Variants in CDKL2 observed in about 807,000 individuals in gnomAD.
CDKL2 encodes cyclin-dependent kinase-like 2.
CDKL2 carries 64 observed loss-of-function variants against 63.9 expected under a neutral mutation model. The observed-to-expected ratio is 1.00, with a 90% CI of 0.82 to 1.23. The LOEUF (loss-of-function observed/expected upper bound fraction) is 1.23, where lower values mean the gene tolerates loss of function less well. Among genes scored for constraint, CDKL2 ranks in the 50% most tolerant of loss-of-function variants. The probability of loss-of-function intolerance (pLI) is 0.00; values close to 1 mark genes in which losing one functional copy is unlikely to be tolerated. For synonymous variants in CDKL2, 211 were observed against 229.2 expected, an observed-to-expected ratio of 0.92 and a Z score of 0.72; for missense variants, 656 against 668.0, an observed-to-expected ratio of 0.98 and a Z score of 0.20.
At chr4:75,588,075 G>A (rs545177515) in intron 12 of CDKL2, among the ~76,000 whole-genome samples, 3 of 150,602 alleles carry the variant, frequency 2.0e-5, no homozygotes, top group East Asian at 2.0e-4. Flanking sequence ...TTAGCCGGGC[G>A]TGGTGGTGCA....
intron 5 of CDKL2, among the ~76,000 whole-genome samples, chr4:75,605,185 C>G (rs1215337956): frequency 6.6e-6 from 1 of 152,152 alleles, no homozygotes. Flanking sequence ...GAAACGCCAT[C>G]TCTACTAAAA....
intron 12 of CDKL2, among the ~76,000 whole-genome samples, chr4:75,582,849 A>C (rs1411912530): frequency 1.3e-5 from 2 of 152,218 alleles, no homozygotes; most frequent in Non-Finnish European, 2.9e-5. Context: ...ATTTCCCACC[A>C]GAAATTACAG....
At chr4:75,589,200 A>G (rs1728596601) in intron 12 of CDKL2, among the ~76,000 whole-genome samples, 1 of 152,188 alleles carries the variant, frequency 6.6e-6, no homozygotes, top group African/African-American at 2.4e-5. Context: ...TAAATTGACA[A>G]TACCAAGTAT....
chr4:75,577,118 A>T lies in CDKL2; in HGVS notation c.*2084T>A, dbSNP rs1289475838. Among the ~76,000 whole-genome samples, 2 of 152,172 alleles carry T rather than the reference A, an allele frequency of 1.3e-5. No individual in the cohort carries two copies. Among genetic ancestry groups the T allele is most frequent in the Non-Finnish European group, 1.5e-5 (1 of 68,018 alleles). On this transcript the variant is annotated 3_prime_UTR_variant, in exon 14 of 14. Transcript: ENST00000307465. The stretch of plus-strand genomic sequence containing the variant: ...TTTAAACCATCTATGGAGCCCAGTA[A>T]GATAATATTTATTAATTTTAAAACA...
At chr4:75,589,271 T>C (rs1453912109) in intron 12 of CDKL2, among the ~76,000 whole-genome samples, 1 of 151,468 alleles carries the variant, frequency 6.6e-6, no homozygotes, top group Non-Finnish European at 1.5e-5. Context: ...CAAAATAGTG[T>C]AGTCATTTTG....
At chr4:75,583,052 A>G (rs1728328360) in intron 12 of CDKL2, among the ~76,000 whole-genome samples, 2 of 152,368 alleles carry the variant, frequency 1.3e-5, no homozygotes, top group Admixed American at 1.3e-4. Context: ...GCTAACAAGA[A>G]GATTTTCAGG....
intron 4 of CDKL2, 111 bp downstream of exon 4, chr4:75,607,072 C>T (rs1181770775): frequency 2.4e-6 from 2 of 840,164 alleles, no homozygotes; most frequent in Non-Finnish European, 3.6e-6. Context: ...GTCCCTGAAA[C>T]TCAAGCCTTC....
intron 1 of CDKL2, among the ~76,000 whole-genome samples, chr4:75,627,731 C>CTTTTTTTTTTTTTTTTTT (rs57328528): frequency 2.6e-4 from 22 of 85,982 alleles, no homozygotes; most frequent in East Asian, 6.0e-4. Context: ...CTTTTTTTTT[C>CTTTTTTTTTTTTTTTTTT]TTTTTTTTTT....
chr4:75,603,449 G>A (rs1389301241), intron 6 of CDKL2, among the ~76,000 whole-genome samples: 1 of 151,340 alleles, frequency 6.6e-6, no homozygotes, highest in Non-Finnish European at 1.5e-5. Context: ...ATCAACTAGA[G>A]GCCAGGGCTG....
intron 3 of CDKL2, among the ~76,000 whole-genome samples, chr4:75,612,950 C>T (rs1729766588): frequency 1.3e-5 from 2 of 152,284 alleles, no homozygotes; most frequent in Admixed American, 6.5e-5. Flanking sequence ...AGGTGAAACC[C>T]CGTCTCTACT....
chr4:75,596,072 T>C (rs115887503), intron 10 of CDKL2, 175 bp downstream of exon 10: 7,909 of 421,282 alleles, frequency 0.019, 112 homozygotes, highest in Middle Eastern at 0.026. Flanking sequence ...AAACTTAAAC[T>C]TTCAGAATTT....
chr4:75,596,257 A>T lies in CDKL2; in HGVS notation c.1406T>A (p.Val469Glu). 1 of 1,592,312 alleles carries T rather than the reference A, an allele frequency of 6.3e-7. No individual in the cohort carries two copies. The highest frequency in any genetic ancestry group is 8.6e-7 in the Non-Finnish European group (1 of 1,160,212). Reference sequence around the variant, plus strand: ...GAACTGCTTACTTACTAATGTGGTCACATTAATGTTATAAATGCCTGATGG... The same window carrying T: ...GAACTGCTTACTTACTAATGTGGTCTCATTAATGTTATAAATGCCTGATGG... ...HSPSGIYNIN[V>E]TTLVSSEKNL... The change falls in exon 10 of 14, where the codon GTG becomes GAG. Residue 469 changes from valine to glutamate, a missense_variant. Val to Glu is a moderately radical substitution (Grantham distance 121). Transcript: ENST00000307465.
intron 1 of CDKL2, among the ~76,000 whole-genome samples, chr4:75,626,560 G>C (rs1034079679): frequency 1.3e-5 from 2 of 151,886 alleles, no homozygotes; most frequent in African/African-American, 4.8e-5. Flanking sequence ...CCAGCTACTC[G>C]GGAGGCTGAG....
intron 2 of CDKL2, among the ~76,000 whole-genome samples, chr4:75,619,868 T>C (rs1033067355): frequency 6.6e-6 from 1 of 152,214 alleles, no homozygotes; most frequent in African/African-American, 2.4e-5. Flanking sequence ...TATTTTTACC[T>C]TAGCCTCAAA....
chr4:75,610,098 A>G (rs1169064282), intron 3 of CDKL2, among the ~76,000 whole-genome samples: 1 of 151,868 alleles, frequency 6.6e-6, no homozygotes, highest in African/African-American at 2.4e-5. Context: ...GCTACTCGGG[A>G]GGCTGAGGCA....
intron 2 of CDKL2, among the ~76,000 whole-genome samples, chr4:75,617,177 C>T (rs1424607910): frequency 2.0e-5 from 3 of 152,032 alleles, no homozygotes; most frequent in Non-Finnish European, 4.4e-5. Context: ...GTACATCCTG[C>T]ACATGTACCC....
At chr4:75,604,485 C>A (rs1000686482) in intron 5 of CDKL2, among the ~76,000 whole-genome samples, 1 of 152,060 alleles carries the variant, frequency 6.6e-6, no homozygotes, top group Admixed American at 6.6e-5. Context: ...TTAAATTACC[C>A]CCAAGTATTT....
At chr4:75,605,804 C>CAA (rs376195956) in intron 4 of CDKL2, among the ~76,000 whole-genome samples, 170 bp from the exon 5 acceptor site, 3 of 113,932 alleles carry the variant, frequency 2.6e-5, no homozygotes, top group Admixed American at 9.0e-5. Flanking sequence ...TCCCAAAATC[C>CAA]AAAAAAAAAA....
chr4:75,613,634 A>G (rs1459495178), intron 3 of CDKL2, among the ~76,000 whole-genome samples: 1 of 152,248 alleles, frequency 6.6e-6, no homozygotes, highest in African/African-American at 2.4e-5. Flanking sequence ...ATTTTCAAAC[A>G]TTCACACTTT....
Sources: allele counts gnomAD v4.1 joint callset (sites outside exome capture counted in the v4.1 genomes callset), GRCh38; gene constraint gnomAD v4.1.1; transcripts MANE v1.5; gene names NCBI Gene and HGNC (gene_info 2026-07-23, HGNC 2026-07-21).